RCAN3: variants seen among roughly 807,000 people sequenced by gnomAD.
RCAN3 encodes calcipressin-3.
A neutral mutation model predicts 21.9 loss-of-function variants in RCAN3; 19 were observed. The ratio of observed to expected loss-of-function variants is 0.87; its 90% CI spans 0.61 to 1.27. The LOEUF (loss-of-function observed/expected upper bound fraction) is 1.27. RCAN3 is among the 50% of genes most tolerant of loss of function. The probability of loss-of-function intolerance (pLI) is 0.00; values close to 1 mark genes in which losing one functional copy is unlikely to be tolerated. For synonymous variants in RCAN3, 114 were observed against 112.3 expected (o/e 1.01, Z -0.09); for missense variants, 240 against 300.1 (o/e 0.80, Z 1.48).
At chr1:24,514,954 G>A (rs1400927303) in intron 2 of RCAN3, among the ~76,000 whole-genome samples, 1 of 134,270 alleles carries the variant, frequency 7.4e-6, no homozygotes, top group East Asian at 2.5e-4. Context: ...GGGGGACAGA[G>A]TGAGACTCTG....
intron 2 of RCAN3, among the ~76,000 whole-genome samples, chr1:24,515,550 G>A (rs976191444): frequency 6.6e-6 from 1 of 152,066 alleles, no homozygotes; most frequent in Non-Finnish European, 1.5e-5. Context: ...CCACTGGGAT[G>A]TGTCTTCCTT....
At chr1:24,518,703 C>T (rs1648542094) in intron 2 of RCAN3, among the ~76,000 whole-genome samples, 1 of 152,112 alleles carries the variant, frequency 6.6e-6, no homozygotes, top group African/African-American at 2.4e-5. Flanking sequence ...AGCAATCCTC[C>T]TACCTCAGCC....
chr1:24,513,212 G>C (rs1021166094), intron 1 of RCAN3, among the ~76,000 whole-genome samples: 4 of 152,070 alleles, frequency 2.6e-5, no homozygotes, highest in African/African-American at 7.2e-5. Flanking sequence ...ACTCCAGCCT[G>C]GGTGACAGAG....
At chr1:24,514,086 C>T (rs965185172) in intron 1 of RCAN3, among the ~76,000 whole-genome samples, 1 of 151,962 alleles carries the variant, frequency 6.6e-6, no homozygotes, top group Admixed American at 6.6e-5. Flanking sequence ...GCCTTTTTTT[C>T]TTAATAAATC....
chr1:24,531,360 A>G lies in RCAN3; in HGVS notation c.338A>G (p.Asn113Ser), dbSNP rs1482923507. The G allele has an allele frequency of 6.2e-6, 10 of 1,613,392 alleles. No individual in the cohort carries two copies. Among genetic ancestry groups the G allele is most frequent in the African/African-American group, 5.3e-5 (4 of 74,876 alleles). ...ARIELHETDF[N>S]GQKLKLYFAQ... is the part of the protein sequence containing the mutation. ...ATAGAACTCCACGAAACAGACTTCA[A>G]TGGGCAGAAGCTAAAGCTATATTTT... The change falls in exon 3 of 5, where the codon AAT (asparagine) becomes AGT (serine). Residue 113 changes from asparagine to serine, a missense_variant. Transcript: ENST00000374395.
rs2148917564 is a variant in RCAN3 at position 24,537,200 on chromosome 1, AAAG to A, written c.*1926_*1928del. ...GGCTTTCATTCTCTGCCTGCCCATT[AAAG>A]AATATTCTATTCCTAACACATAAAA... On this transcript the variant is annotated 3_prime_UTR_variant, in exon 5 of 5. Coordinates refer to ENST00000374395, the MANE Select transcript of RCAN3 (RefSeq NM_013441.4). The A allele has an allele frequency of 6.6e-6, 1 of 152,320 alleles. No individual in the cohort carries two copies. The highest frequency in any genetic ancestry group is 2.1e-4 in the South Asian group (1 of 4,830). The allele number at this position is 152,320 out of a possible 1,614,324, so 9.4% of individuals were successfully genotyped here.
intron 1 of RCAN3, among the ~76,000 whole-genome samples, chr1:24,504,092 CTG>C (rs902485226): frequency 9.7e-4 from 148 of 152,342 alleles, no homozygotes; most frequent in African/African-American, 3.3e-3. Flanking sequence ...TCCAGGAAGA[CTG>C]TGAAAAGCTT....
In RCAN3 at chr1:24,539,282, G is replaced by A. The variant is rs921190046; in HGVS notation, c.*4005G>A. On this transcript the variant is annotated 3_prime_UTR_variant, in exon 5 of 5. Coordinates refer to ENST00000374395, the MANE Select transcript of RCAN3 (RefSeq NM_013441.4). ...GGGAGGATTCTTTTTTCCCTGATGG[G>A]AAACAGTGAATAAGAAAAATCTCAT... The A allele has an allele frequency of 1.3e-5, 2 of 151,678 alleles. No homozygotes were observed. The highest frequency in any genetic ancestry group is 4.8e-5 in the African/African-American group (2 of 41,286). 9.4% of individuals were successfully genotyped at this position (151,678 alleles called of 1,614,324 possible). A position where few individuals can be genotyped will look rare whatever the true frequency, so the allele number is the denominator to read the frequency against.
chr1:24,527,604 GAAGTT>G (rs1649381062), intron 2 of RCAN3, among the ~76,000 whole-genome samples: 1 of 152,134 alleles, frequency 6.6e-6, no homozygotes, highest in African/African-American at 2.4e-5. Flanking sequence ...CAAATTGAGA[GAAGTT>G]AATAAATGAG....
chr1:24,522,150 A>T (rs961723761), intron 2 of RCAN3, among the ~76,000 whole-genome samples: 3 of 152,196 alleles, frequency 2.0e-5, no homozygotes, highest in African/African-American at 7.2e-5. Context: ...ATATACCAAG[A>T]ATATATTTTT....
chr1:24,535,219 G>T lies in RCAN3; in HGVS notation c.668G>T (p.Arg223Leu), dbSNP rs201998230. Residue 223 changes from arginine (R) to leucine (L), a missense_variant, in exon 5 of 5, where the codon CGC (arginine) becomes CTC (leucine). Arg to Leu is a moderately radical substitution (Grantham distance 102). Coordinates refer to ENST00000374395, the MANE Select transcript of RCAN3 (RefSeq NM_013441.4). ...AAACAGAAAATTGCCCAGACGAGGCGCCCCGACCCTCCGACCGCAGCGTTG... is the reference window on the plus strand; with the variant it reads ...AAACAGAAAATTGCCCAGACGAGGCTCCCCGACCCTCCGACCGCAGCGTTG... The part of the protein sequence containing the change: ...NPKQKIAQTR[R>L]PDPPTAALNE... 666 of 1,583,162 alleles carry T rather than the reference G, an allele frequency of 4.2e-4. 5 individuals are homozygous for T. The East Asian group carries it at 0.014, about 33-fold the overall frequency.
At chr1:24,508,447 A>G (rs75833495) in intron 1 of RCAN3, among the ~76,000 whole-genome samples, 1 of 152,332 alleles carries the variant, frequency 6.6e-6, no homozygotes, top group East Asian at 1.9e-4. Context: ...ACCTCTGGTG[A>G]TTAGGCAGCT....
rs1649187735 is a variant in RCAN3 at position 24,525,512 on chromosome 1, T to C, written c.196-5706T>C. Reference sequence around the variant, plus strand: ...GGATACTAAGTGACTACAGAAAAAGTTAAGTGGTTAATGATGATTTTTATT... The same window carrying C: ...GGATACTAAGTGACTACAGAAAAAGCTAAGTGGTTAATGATGATTTTTATT... On this transcript the variant is annotated intron_variant, in intron 2 of 4. Coordinates refer to ENST00000374395, the MANE Select transcript of RCAN3 (RefSeq NM_013441.4). This position sits in a 1 kb window ranked among gnomAD's most constrained non-coding sequence, Gnocchi z 4.1. Among the ~76,000 whole-genome samples, 1 of 152,142 alleles carries C rather than the reference T, an allele frequency of 6.6e-6. No individual in the cohort carries two copies. Among genetic ancestry groups the C allele is most frequent in the African/African-American group, 2.4e-5 (1 of 41,426 alleles).
intron 1 of RCAN3, among the ~76,000 whole-genome samples, chr1:24,505,233 T>C (rs200332208): frequency 0.041 from 2,411 of 58,998 alleles, 59 homozygotes; most frequent in African/African-American, 0.15. Flanking sequence ...CTCTTTTTTC[T>C]TTTTTTTTTT....
intron 2 of RCAN3, among the ~76,000 whole-genome samples, chr1:24,519,194 AGCCACTGT>A (rs879742008): frequency 5.6e-4 from 83 of 149,458 alleles, no homozygotes; most frequent in Non-Finnish European, 1.1e-3. Context: ...TACAGGCGTG[AGCCACTGT>A]GCCTGGCCTG....
At chr1:24,526,573 G>A (rs922206075) in intron 2 of RCAN3, among the ~76,000 whole-genome samples, 14 of 152,194 alleles carry the variant, frequency 9.2e-5, no homozygotes, top group South Asian at 2.1e-4. Context: ...CATACGATGC[G>A]TTGGTACTAG....
chr1:24,536,066 A>G lies in RCAN3; in HGVS notation c.*789A>G, dbSNP rs1470851417. ...GATTAGGATCGCAGGTGGCTACTGC[A>G]TTCTGCCGTTCGTGACCGTGTTCTA... On this transcript the variant is annotated 3_prime_UTR_variant, in exon 5 of 5. Coordinates refer to ENST00000374395, the MANE Select transcript of RCAN3 (RefSeq NM_013441.4). 1 of 152,198 alleles carries G rather than the reference A, an allele frequency of 6.6e-6. No homozygotes were observed. The highest frequency in any genetic ancestry group is 1.5e-5 in the Non-Finnish European group (1 of 68,038). 9.4% of individuals were successfully genotyped at this position (152,198 alleles called of 1,614,324 possible).
chr1:24,514,369 G>C lies in RCAN3; in HGVS notation c.-4G>C, dbSNP rs1004595823. ...CAGAAGGAAAAGGCCCACTTTGGGGGATAATGCTGAGGGACACTATGAAAT... is the reference window on the plus strand; with the variant it reads ...CAGAAGGAAAAGGCCCACTTTGGGGCATAATGCTGAGGGACACTATGAAAT... On this transcript the variant is annotated 5_prime_UTR_variant, in exon 2 of 5. Coordinates refer to ENST00000374395, the MANE Select transcript of RCAN3 (RefSeq NM_013441.4). The C allele has an allele frequency of 2.5e-6, 4 of 1,610,888 alleles. No individual in the cohort carries two copies. In the Admixed American group the frequency reaches 6.7e-5, roughly 27 times the overall value.
intron 2 of RCAN3, among the ~76,000 whole-genome samples, chr1:24,529,232 C>T (rs1022044543): frequency 2.0e-5 from 3 of 150,852 alleles, no homozygotes; most frequent in Non-Finnish European, 3.0e-5. Context: ...GACATTGAGA[C>T]TGTGTCTGTA....
Sources: gnomAD v4.1 joint callset for allele counts (sites outside exome capture counted in the v4.1 genomes callset) on GRCh38, gnomAD v4.1.1 for gene constraint, Gnocchi (gnomAD v3.1) non-coding constraint, MANE v1.5 for transcripts, NCBI Gene and HGNC (gene_info 2026-07-23, HGNC 2026-07-21) for gene names.